The following CCDC171 variants were observed in gnomAD, a reference collection of about 807,000 sequenced individuals.
The protein encoded by CCDC171 is coiled-coil domain containing 171.
Under a neutral mutation model 168.2 loss-of-function variants are expected in CCDC171, and 177 were observed. That is an observed-to-expected ratio of 1.05 (90% CI 0.93 to 1.19). CCDC171 has a LOEUF of 1.19. Ranked by LOEUF, CCDC171 falls within the 50% of genes most tolerant of loss-of-function variation. The pLI, the probability that CCDC171 is intolerant of heterozygous loss-of-function variation, is 0.00. For synonymous variants in CCDC171, 687 were observed against 540.8 expected (o/e 1.27, Z -3.75); for missense variants, 1,991 against 1,539.0 (o/e 1.29, Z -4.91).
At chr9:16,045,183 C>T (rs570679665) in intron 1 of CCDC171, among the ~76,000 whole-genome samples, 1 of 152,156 alleles carries the variant, frequency 6.6e-6, no homozygotes, top group Non-Finnish European at 1.5e-5. Flanking sequence ...GAAGCACACC[C>T]TGAGACAATG....
intron 3 of CCDC171, among the ~76,000 whole-genome samples, chr9:15,980,280 A>C (rs1489810082): frequency 6.6e-6 from 1 of 152,218 alleles, no homozygotes; most frequent in Non-Finnish European, 1.5e-5. Context: ...CCCCGAATTC[A>C]AACAACAACT....
chr9:15,632,207 G>A (rs10810413), intron 7 of CCDC171, among the ~76,000 whole-genome samples: 57,809 of 131,766 alleles, frequency 0.44, 13,503 homozygotes, highest in East Asian at 0.73. Flanking sequence ...AGGGTATTCA[G>A]TTAGGAAAAG....
intron 21 of CCDC171, among the ~76,000 whole-genome samples, chr9:15,827,958 T>C (rs1334306116): frequency 6.6e-6 from 1 of 152,204 alleles, no homozygotes; most frequent in Admixed American, 6.5e-5. Flanking sequence ...TTTTAAAATC[T>C]GAGGTGAGGA....
At chr9:15,915,817 A>G (rs1824419130) in intron 24 of CCDC171, among the ~76,000 whole-genome samples, 1 of 152,172 alleles carries the variant, frequency 6.6e-6, no homozygotes, top group South Asian at 2.1e-4. Context: ...GATTTTTATC[A>G]TGATGGTATA....
At chr9:15,966,786 A>C (rs1830834075) in intron 25 of CCDC171, among the ~76,000 whole-genome samples, 1 of 152,164 alleles carries the variant, frequency 6.6e-6, no homozygotes, top group Non-Finnish European at 1.5e-5. Context: ...CAGGGAGAAG[A>C]ATGCATAAAA....
At chr9:15,648,659 T>C (rs201543356) in intron 7 of CCDC171, among the ~76,000 whole-genome samples, 1 of 151,952 alleles carries the variant, frequency 6.6e-6, no homozygotes, top group Non-Finnish European at 1.5e-5. Flanking sequence ...TTGCTACAAA[T>C]AGAATAAAAT....
intron 3 of CCDC171, among the ~76,000 whole-genome samples, chr9:16,016,612 T>G (rs896590271): frequency 2.0e-5 from 3 of 152,158 alleles, no homozygotes; most frequent in Non-Finnish European, 4.4e-5. Flanking sequence ...AGCGTAGTGT[T>G]ACTTCCTTGG....
chr9:15,597,753 C>T (rs1217752516), intron 6 of CCDC171, among the ~76,000 whole-genome samples: 7 of 152,082 alleles, frequency 4.6e-5, no homozygotes, highest in Non-Finnish European at 8.8e-5. Context: ...TGGTAGAATT[C>T]GGCTGTGAAT....
At chr9:15,898,694 TA>T (rs975577289) in intron 24 of CCDC171, among the ~76,000 whole-genome samples, 2 of 152,212 alleles carry the variant, frequency 1.3e-5, no homozygotes, top group African/African-American at 4.8e-5. Flanking sequence ...TTTGCTTTTT[TA>T]CCCTTTTATT....
At chr9:15,994,630 G>T (rs1832312688) in intron 3 of CCDC171, among the ~76,000 whole-genome samples, 1 of 152,108 alleles carries the variant, frequency 6.6e-6, no homozygotes. Flanking sequence ...ACAATTTCTT[G>T]TTCTGTTAAG....
At chr9:15,889,529 A>G (rs894192878) in intron 24 of CCDC171, among the ~76,000 whole-genome samples, 4 of 152,160 alleles carry the variant, frequency 2.6e-5, no homozygotes, top group Admixed American at 2.0e-4. Context: ...TGCCACTTGA[A>G]AACTCGAAAG....
chr9:15,957,838 C>T (rs1187780827), intron 25 of CCDC171, among the ~76,000 whole-genome samples: 1 of 152,106 alleles, frequency 6.6e-6, no homozygotes, highest in Admixed American at 6.6e-5. Context: ...TATCTTTTGT[C>T]ATAGGCTTCT....
intron 3 of CCDC171, among the ~76,000 whole-genome samples, chr9:16,013,383 C>G (rs892908024): frequency 2.2e-4 from 33 of 152,136 alleles, no homozygotes; most frequent in African/African-American, 8.0e-4. Context: ...GTGTAGTTCT[C>G]TTTATATCAT....
chr9:15,569,675 C>T (rs954082213), intron 2 of CCDC171, among the ~76,000 whole-genome samples: 1 of 151,466 alleles, frequency 6.6e-6, no homozygotes, highest in African/African-American at 2.4e-5. Flanking sequence ...ATTAGCCGGG[C>T]GTGGTGGCGG....
At chr9:15,961,349 C>T (rs1351593376) in intron 25 of CCDC171, among the ~76,000 whole-genome samples, 1 of 152,098 alleles carries the variant, frequency 6.6e-6, no homozygotes, top group Non-Finnish European at 1.5e-5. Flanking sequence ...CCTAATAGTT[C>T]CCAGAGAGAG....
intron 11 of CCDC171, among the ~76,000 whole-genome samples, chr9:15,713,229 C>T (rs1486601686): frequency 2.0e-5 from 3 of 152,146 alleles, no homozygotes; most frequent in South Asian, 2.1e-4. Flanking sequence ...CCCGAGCCAG[C>T]CTTGAGTGGG....
At chr9:15,883,082 G>C (rs1197014228) in intron 24 of CCDC171, 3 of 394,600 alleles carry the variant, frequency 7.6e-6, no homozygotes, top group Non-Finnish European at 1.5e-5. Flanking sequence ...AGGTTAGAGT[G>C]CAGTGGTGTG....
intron 23 of CCDC171, among the ~76,000 whole-genome samples, chr9:15,869,492 A>G (rs977438161): frequency 1.4e-5 from 2 of 145,862 alleles, no homozygotes; most frequent in Admixed American, 7.0e-5. Flanking sequence ...CATACTTACT[A>G]AGAGCCTCTG....
At chr9:15,598,202 G>A (rs189327914) in intron 6 of CCDC171, among the ~76,000 whole-genome samples, 1 of 152,154 alleles carries the variant, frequency 6.6e-6, no homozygotes, top group East Asian at 1.9e-4. Context: ...TTTTGAATGT[G>A]TTTGCTCTTG....
Sources: gnomAD v4.1 joint callset for allele counts (sites outside exome capture counted in the v4.1 genomes callset) on GRCh38, gnomAD v4.1.1 for gene constraint, MANE v1.5 for transcripts, NCBI Gene and HGNC (gene_info 2026-07-23, HGNC 2026-07-21) for gene names.